The following FAM161B variants were observed in gnomAD, a reference collection of about 807,000 sequenced individuals.
FAM161B encodes the protein FAM161 centrosomal protein B, also known as protein FAM161B.
In FAM161B, 46 loss-of-function variants were observed where a neutral mutation model predicts 61.5. The ratio of observed to expected loss-of-function variants is 0.75; its 90% CI spans 0.59 to 0.96. The LOEUF is 0.96. Ranked by LOEUF, FAM161B falls within the 40% of genes least tolerant of loss-of-function variation. FAM161B has a pLI of 0.00. For missense variants in FAM161B, 774 were observed against 800.7 expected, an observed-to-expected ratio of 0.97 and a Z score of 0.40; for synonymous variants, 284 against 302.7, an observed-to-expected ratio of 0.94 and a Z score of 0.64.
chr14:73,934,908 G>A (rs1038829901), intron 8 of FAM161B, among the ~76,000 whole-genome samples: 2 of 151,826 alleles, frequency 1.3e-5, no homozygotes, highest in Admixed American at 6.6e-5. Flanking sequence ...ATAGCTGGGC[G>A]TGGTAGTGGA....
Position 73,944,762 on chromosome 14 carries a change from T to C in FAM161B, c.498A>G (p.Ala166=). The change falls in exon 3 of 9, where the codon GCA becomes GCG. Residue 166 remains alanine, a synonymous_variant. Transcript: ENST00000286544. ...ATGGCCGAGGGACAGTAATGGATGA[T>C]GCCCAGGAGCTGACGCTTCTGTGCT... is the stretch of plus-strand genomic sequence containing the variant. ...PSQHRSVSSW[A]SSITVPRPFR... 6.3e-7 allele frequency: 1 copy of C among 1,594,710 alleles called. No individual in the cohort carries two copies. Among genetic ancestry groups the C allele is most frequent in the Non-Finnish European group, 8.6e-7 (1 of 1,167,866 alleles).
chr14:73,946,847 G>T (rs373840059), intron 1 of FAM161B, among the ~76,000 whole-genome samples: 14 of 152,198 alleles, frequency 9.2e-5, no homozygotes, highest in African/African-American at 3.4e-4. Flanking sequence ...TTGGTTGAAG[G>T]GATGGAGAGG....
chr14:73,928,452 C>G (rs1252102409), downstream of FAM161B, among the ~76,000 whole-genome samples: 4 of 152,110 alleles, frequency 2.6e-5, no homozygotes, highest in East Asian at 7.7e-4. Context: ...ATGATTTTAT[C>G]CTGGGGGCAC....
At position 73,933,848 on chromosome 14, in the gene FAM161B, G is replaced by A. The variant is rs77154984; in HGVS notation, c.*408C>T. Reference sequence around the variant, plus strand: ...CTGCTCTTTTTTTTTCTCAGACAGAGTTTTGCTCTGCTGCCCAGGCTGGAG... The same window carrying A: ...CTGCTCTTTTTTTTTCTCAGACAGAATTTTGCTCTGCTGCCCAGGCTGGAG... On this transcript the variant is annotated 3_prime_UTR_variant, in exon 9 of 9. Coordinates refer to ENST00000286544, the MANE Select transcript of FAM161B (RefSeq NM_152445.3). 3.6e-3 allele frequency: 565 copies of A among 155,412 alleles called. 1 individual carries two copies. Among genetic ancestry groups the A allele is most frequent in the African/African-American group, 0.013 (542 of 41,562 alleles). The allele number at this position is 155,412 out of a possible 1,614,324, so 9.6% of individuals were successfully genotyped here.
chr14:73,926,641 G>T (rs2055837791), downstream of FAM161B, among the ~76,000 whole-genome samples: 2 of 152,074 alleles, frequency 1.3e-5, no homozygotes, highest in Non-Finnish European at 2.9e-5. Context: ...TACCATGTTG[G>T]CCAGGCTGGT....
chr14:73,927,907 G>A (rs766480566), downstream of FAM161B: 18 of 161,018 alleles, frequency 1.1e-4, no homozygotes, highest in Non-Finnish European at 2.2e-4. Context: ...GCACAATCTC[G>A]GCCCACTGCA....
At chr14:73,947,260 C>T (rs1050813780) in intron 1 of FAM161B, among the ~76,000 whole-genome samples, 3 of 151,788 alleles carry the variant, frequency 2.0e-5, no homozygotes, top group Non-Finnish European at 4.4e-5. Context: ...TGGCGGGTGC[C>T]TGTAATCTCA....
intron 5 of FAM161B, among the ~76,000 whole-genome samples, chr14:73,940,611 T>C (rs535029695): frequency 1.3e-5 from 2 of 152,178 alleles, no homozygotes; most frequent in Admixed American, 1.3e-4. Context: ...ATTGCACTAC[T>C]CAAAAAATAT....
the FAM161B span, chr14:73,923,555 CA>C: frequency 1.3e-6 from 2 of 1,596,988 alleles, no homozygotes; most frequent in Non-Finnish European, 1.7e-6. Context: ...GTTTCTGTGA[CA>C]ATTCATGTGG....
chr14:73,934,464 G>A, intron 8 of FAM161B, 70 bp from the exon 9 acceptor site: 2 of 1,472,498 alleles, frequency 1.4e-6, no homozygotes, highest in Non-Finnish European at 1.8e-6. Context: ...CTCTCACCCA[G>A]GCTGGAGTGC....
At chr14:73,925,034 T>C in the FAM161B span, among the ~76,000 whole-genome samples, 2 of 152,236 alleles carry the variant, frequency 1.3e-5, no homozygotes. Flanking sequence ...TTCAAATGAC[T>C]CTGCATCCTA....
chr14:73,940,908 T>C lies in FAM161B; in HGVS notation c.1400+18A>G. 6.2e-7 allele frequency: 1 copy of C among 1,602,164 alleles called. No homozygotes were observed. Reference sequence around the variant, plus strand: ...GGCCAGAATCAGAGCATGGGTCTCGTGCAGCCTGACCACTCACCTGACTGC... The same window carrying C: ...GGCCAGAATCAGAGCATGGGTCTCGCGCAGCCTGACCACTCACCTGACTGC... On this transcript the variant is annotated intron_variant, in intron 5 of 8. Transcript: ENST00000286544.
At chr14:73,947,539 G>C (rs2056077582) in intron 1 of FAM161B, among the ~76,000 whole-genome samples, 2 of 152,222 alleles carry the variant, frequency 1.3e-5, no homozygotes, top group Middle Eastern at 3.4e-3. Flanking sequence ...TGTGCACTGG[G>C]CATTTGGCTG....
chr14:73,943,421 T>C (rs1005565), intron 3 of FAM161B, among the ~76,000 whole-genome samples: 63,224 of 152,062 alleles, frequency 0.42, 14,018 homozygotes, highest in South Asian at 0.51. Flanking sequence ...CTCAGTGGCT[T>C]CCCTGTGCCC....
chr14:73,941,228 C>T (rs770155490), intron 4 of FAM161B, among the ~76,000 whole-genome samples, 175 bp from the exon 5 acceptor site: 4 of 151,302 alleles, frequency 2.6e-5, no homozygotes, highest in Non-Finnish European at 5.9e-5. Context: ...AGCAATTCTC[C>T]TGCCTCAGCC....
intron 5 of FAM161B, among the ~76,000 whole-genome samples, chr14:73,939,095 G>A (rs377595948): frequency 2.6e-5 from 4 of 151,910 alleles, no homozygotes; most frequent in Admixed American, 6.6e-5. Flanking sequence ...TCAGGAGTTC[G>A]AGACCAGCCT....
the FAM161B span, chr14:73,923,633 G>A: frequency 8.5e-5 from 119 of 1,403,480 alleles, 2 homozygotes; most frequent in South Asian, 1.4e-3. Context: ...ACTTTGGCAC[G>A]AATATTTTCC....
chr14:73,923,166 C>T, the FAM161B span, among the ~76,000 whole-genome samples: 1 of 152,126 alleles, frequency 6.6e-6, no homozygotes, highest in South Asian at 2.1e-4. Flanking sequence ...GTGCTAACAC[C>T]ATATTATTCT....
chr14:73,929,331 T>C (rs1043666498), downstream of FAM161B, among the ~76,000 whole-genome samples: 1 of 152,106 alleles, frequency 6.6e-6, no homozygotes, highest in Non-Finnish European at 1.5e-5. Context: ...GTCTAGGTAA[T>C]AACTTGCTAT....
Sources: gnomAD v4.1 joint callset for allele counts (sites outside exome capture counted in the v4.1 genomes callset) on GRCh38, gnomAD v4.1.1 for gene constraint, MANE v1.5 for transcripts, NCBI Gene and HGNC (gene_info 2026-07-23, HGNC 2026-07-21) for gene names.